Variants in GRIP1 observed in about 807,000 individuals in gnomAD.
GRIP1 encodes glutamate receptor-interacting protein 1.
In GRIP1, 45 loss-of-function variants were observed where a neutral mutation model predicts 129.9. The observed-to-expected ratio is 0.35, with a 90% CI of 0.27 to 0.44. The LOEUF (loss-of-function observed/expected upper bound fraction) is 0.44, where lower values mean the gene tolerates loss of function less well. Ranked by LOEUF, GRIP1 falls within the 20% of genes least tolerant of loss-of-function variation. The probability of loss-of-function intolerance (pLI) is 1.00; values close to 1 mark genes in which losing one functional copy is unlikely to be tolerated. For synonymous variants in GRIP1, 530 were observed against 520.8 expected (o/e 1.02, Z -0.24); for missense variants, 1,196 against 1,396.8 (o/e 0.86, Z 2.29).
intron 14 of GRIP1, among the ~76,000 whole-genome samples, chr12:66,426,978 C>G (rs1304548472): frequency 6.6e-6 from 1 of 152,188 alleles, no homozygotes; most frequent in Non-Finnish European, 1.5e-5. Context: ...AATAAAACTC[C>G]AGGCTTCTGC....
rs141880313 is a variant in GRIP1 at position 66,481,890 on chromosome 12, T to A, written c.725-16468A>T. Among the ~76,000 whole-genome samples, 569 of 151,906 alleles carry A rather than the reference T, an allele frequency of 3.7e-3. 7 individuals are homozygous for A. The highest frequency in any genetic ancestry group is 0.013 in the African/African-American group (529 of 41,396). On this transcript the variant is annotated intron_variant, in intron 7 of 24. Transcript: ENST00000359742. ...GCACGTTCTCACTCATAAGTGGGAA[T>A]TGAACAATGAGAACACATGGACACA...
At chr12:66,639,898 C>G (rs1179900183) in intron 1 of GRIP1, among the ~76,000 whole-genome samples, 1 of 152,196 alleles carries the variant, frequency 6.6e-6, no homozygotes, top group Non-Finnish European at 1.5e-5. Flanking sequence ...CTGAGACAAG[C>G]TCTGAGGAAA....
At chr12:66,901,154 G>A (rs1347876227) in intron 1 of GRIP1, among the ~76,000 whole-genome samples, 2 of 152,198 alleles carry the variant, frequency 1.3e-5, no homozygotes, top group Non-Finnish European at 2.9e-5. Context: ...TATTATATCA[G>A]AGGGAGCTAT....
At chr12:66,487,476 A>C (rs771200845) in intron 7 of GRIP1, among the ~76,000 whole-genome samples, 1 of 152,198 alleles carries the variant, frequency 6.6e-6, no homozygotes, top group Admixed American at 6.5e-5. Flanking sequence ...GAGCTCCTAA[A>C]TATGGAAGCA....
chr12:66,447,308 G>A (rs1174698516), intron 11 of GRIP1, among the ~76,000 whole-genome samples: 1 of 152,130 alleles, frequency 6.6e-6, no homozygotes, highest in Non-Finnish European at 1.5e-5. Context: ...GTAATGCCCG[G>A]TCAACTCCAC....
chr12:66,726,125 T>C (rs2036247241), intron 1 of GRIP1, among the ~76,000 whole-genome samples: 1 of 152,100 alleles, frequency 6.6e-6, no homozygotes. Context: ...CCAAAATATA[T>C]AGCATCCCCA....
rs188015372 is a variant in GRIP1, at chr12:66,653,821, T to C, written c.55+25029A>G. On this transcript the variant is annotated intron_variant, in intron 1 of 24. Coordinates refer to ENST00000359742, the MANE Select transcript of GRIP1 (RefSeq NM_001366722.1). ...TATACTCAAAAACAAGATTTATACC[T>C]CTGTGGACCAAACTTTGAACTGAAA... is the stretch of plus-strand genomic sequence containing the variant. 4.3e-4 allele frequency among the ~76,000 whole-genome samples: 65 copies of C among 152,282 alleles called. 2 individuals are homozygous for C. The highest frequency in any genetic ancestry group is 2.3e-3 in the Admixed American group (35 of 15,300).
At chr12:66,804,199 T>C (rs1240995289), upstream of GRIP1, 1 of 453,484 alleles carries the variant, frequency 2.2e-6, no homozygotes. Flanking sequence ...TTACTCACCG[T>C]GCAGCGCGGC....
chr12:66,589,256 C>T (rs897123713), intron 2 of GRIP1, among the ~76,000 whole-genome samples: 45 of 145,874 alleles, frequency 3.1e-4, no homozygotes, highest in Admixed American at 3.0e-3. Flanking sequence ...CTCTCTTACT[C>T]TCGCTCTAGG....
intron 1 of GRIP1, among the ~76,000 whole-genome samples, chr12:66,729,967 T>C (rs934630562): frequency 5.9e-5 from 9 of 152,208 alleles, no homozygotes; most frequent in African/African-American, 1.7e-4. Flanking sequence ...GTATGCATCA[T>C]AGCGATAACT....
At chr12:66,777,386 A>G (rs2038016327) in intron 1 of GRIP1, among the ~76,000 whole-genome samples, 1 of 152,084 alleles carries the variant, frequency 6.6e-6, no homozygotes, top group African/African-American at 2.4e-5. Flanking sequence ...ATCCTTCAAG[A>G]TATTGAGCAA....
intron 1 of GRIP1, among the ~76,000 whole-genome samples, chr12:67,009,528 T>G (rs1212744148): frequency 6.6e-6 from 1 of 152,212 alleles, no homozygotes; most frequent in Non-Finnish European, 1.5e-5. Flanking sequence ...TGATTTAGCA[T>G]GATGCAGACT....
chr12:66,776,444 T>C (rs2037982603), intron 1 of GRIP1, among the ~76,000 whole-genome samples: 1 of 152,212 alleles, frequency 6.6e-6, no homozygotes, highest in Non-Finnish European at 1.5e-5. Flanking sequence ...GAATAATCAC[T>C]GAATAACAAT....
chr12:66,888,517 G>A (rs1246267644), intron 1 of GRIP1, among the ~76,000 whole-genome samples: 4 of 152,144 alleles, frequency 2.6e-5, no homozygotes, highest in Non-Finnish European at 5.9e-5. Flanking sequence ...GTGCCACCAT[G>A]CACAGCTAAT....
intron 14 of GRIP1, among the ~76,000 whole-genome samples, chr12:66,422,677 A>C (rs1343571759): frequency 6.6e-6 from 1 of 152,246 alleles, no homozygotes; most frequent in Non-Finnish European, 1.5e-5. Flanking sequence ...CATCCTTGAA[A>C]GAGAGAAATA....
intron 22 of GRIP1, chr12:66,372,297 G>C: frequency 3.0e-6 from 1 of 337,900 alleles, no homozygotes. Context: ...AGGCCACCTT[G>C]AATATATCTT....
At chr12:66,375,323 G>A (rs2055734497) in intron 22 of GRIP1, among the ~76,000 whole-genome samples, 1 of 152,110 alleles carries the variant, frequency 6.6e-6, no homozygotes, top group African/African-American at 2.4e-5. Flanking sequence ...TAGGGGAAAT[G>A]ATTAGTAAAT....
At chr12:67,036,355 GAGT>G (rs1291120317) in intron 1 of GRIP1, among the ~76,000 whole-genome samples, 1 of 148,386 alleles carries the variant, frequency 6.7e-6, no homozygotes, top group Non-Finnish European at 1.5e-5. Flanking sequence ...TTTTTAGACT[GAGT>G]CTCACTCTGT....
intron 1 of GRIP1, among the ~76,000 whole-genome samples, chr12:66,648,914 T>G (rs2032575265): frequency 6.6e-6 from 1 of 152,240 alleles, no homozygotes; most frequent in Admixed American, 6.5e-5. Context: ...GATACGCCAG[T>G]GATCCTGATA....
Sources: gnomAD v4.1 joint callset for allele counts (sites outside exome capture counted in the v4.1 genomes callset) on GRCh38, gnomAD v4.1.1 for gene constraint, MANE v1.5 for transcripts, NCBI Gene and HGNC (gene_info 2026-07-23, HGNC 2026-07-21) for gene names.